PIWIL2: variants seen among roughly 807,000 people sequenced by gnomAD.
PIWIL2 encodes the protein piwi like RNA-mediated gene silencing 2, also known as piwi-like protein 2.
In PIWIL2, 81 loss-of-function variants were observed where a neutral mutation model predicts 116.5. The observed-to-expected ratio is 0.70, with a 90% confidence interval of 0.58 to 0.84. PIWIL2 has a LOEUF of 0.84. Among genes scored for constraint, PIWIL2 ranks in the 40% least tolerant of loss-of-function variants. The pLI, the probability that PIWIL2 is intolerant of heterozygous loss-of-function variation, is 0.00. For missense variants in PIWIL2, 1,272 were observed against 1,212.3 expected (o/e 1.05, Z -0.73); for synonymous variants, 489 against 429.5 (o/e 1.14, Z -1.71).
At chr8:22,284,300 C>T (rs1343367467) in intron 6 of PIWIL2, 28 bp downstream of exon 6, 4 of 1,219,434 alleles carry the variant, frequency 3.3e-6, no homozygotes, top group Non-Finnish European at 1.2e-6. Flanking sequence ...TTGTATTGTT[C>T]ACTTCTTAAA....
At chr8:22,342,798 A>G (rs1832140806) in intron 20 of PIWIL2, among the ~76,000 whole-genome samples, 1 of 152,216 alleles carries the variant, frequency 6.6e-6, no homozygotes. Context: ...CTTCTGGGAA[A>G]CACTGATAAG....
chr8:22,324,106 AC>A (rs1195946090), intron 20 of PIWIL2, among the ~76,000 whole-genome samples: 1 of 152,152 alleles, frequency 6.6e-6, no homozygotes, highest in Non-Finnish European at 1.5e-5. Context: ...TACTAAAAAT[AC>A]AAAAATTAGC....
Position 22,283,014 on chromosome 8 carries a change from C to T in PIWIL2, c.426-20C>T, listed in dbSNP as rs143962067. 1.9e-4 allele frequency: 301 copies of T among 1,593,758 alleles called. 1 individual carries two copies. The African/African-American group carries it at 3.4e-3, about 18-fold the overall frequency. On this transcript the variant is annotated intron_variant, in intron 4 of 22. Transcript: ENST00000356766. ...AGCTATTATAAAAAACCCTGATTTG[C>T]CTCTCTCTCCACATTTCAGGACGCT...
At chr8:22,338,487 T>A (rs538865313) in intron 20 of PIWIL2, among the ~76,000 whole-genome samples, 38 of 152,152 alleles carry the variant, frequency 2.5e-4, no homozygotes, top group Admixed American at 2.1e-3. Context: ...GGTCAAGAGT[T>A]TGAGACCAGC....
chr8:22,299,306 G>A (rs1425083154), intron 10 of PIWIL2, among the ~76,000 whole-genome samples: 1 of 151,722 alleles, frequency 6.6e-6, no homozygotes, highest in Non-Finnish European at 1.5e-5. Context: ...CGCCTCCTGG[G>A]TTCAAGCGAT....
rs1483369943 is a variant in PIWIL2, at chr8:22,354,812, A to G, written c.2765+434A>G. On this transcript the variant is annotated intron_variant, in intron 22 of 22. Transcript: ENST00000356766. Reference sequence around the variant, plus strand: ...AGGCTGGGTGCGGTGGCTCACGCCTATAATCCCAGCACTTTGGGAGGCTGA... The same window carrying G: ...AGGCTGGGTGCGGTGGCTCACGCCTGTAATCCCAGCACTTTGGGAGGCTGA... Among the ~76,000 whole-genome samples, 11 of 152,182 alleles carry G rather than the reference A, an allele frequency of 7.2e-5. 1 individual carries two copies. Among genetic ancestry groups the G allele is most frequent in the Admixed American group, 3.9e-4 (6 of 15,272 alleles).
chr8:22,290,975 T>TATATATATATATATATATATA (rs947701007), intron 10 of PIWIL2, among the ~76,000 whole-genome samples: 18 of 149,480 alleles, frequency 1.2e-4, no homozygotes, highest in Admixed American at 2.0e-4. Context: ...TGTATATATA[T>TATATATATATATATATATATA]TTTTTTTAAT....
At chr8:22,310,635 T>C (rs1475730084) in intron 15 of PIWIL2, among the ~76,000 whole-genome samples, 2 of 151,426 alleles carry the variant, frequency 1.3e-5, no homozygotes, top group African/African-American at 2.4e-5. Context: ...TTTAATTAAA[T>C]AGACCTGTGT....
chr8:22,310,611 T>C (rs754373299), intron 15 of PIWIL2, among the ~76,000 whole-genome samples: 3 of 150,758 alleles, frequency 2.0e-5, no homozygotes, highest in African/African-American at 2.4e-5. Flanking sequence ...AACGTGTAAC[T>C]TGATGAGTTT....
At chr8:22,328,329 T>C (rs1362737718) in intron 20 of PIWIL2, among the ~76,000 whole-genome samples, 1 of 152,250 alleles carries the variant, frequency 6.6e-6, no homozygotes, top group Non-Finnish European at 1.5e-5. Flanking sequence ...TTTTGATTAT[T>C]GTTGCTTTGT....
At chr8:22,297,688 T>A (rs1307151904) in intron 10 of PIWIL2, among the ~76,000 whole-genome samples, 1 of 151,868 alleles carries the variant, frequency 6.6e-6, no homozygotes, top group Non-Finnish European at 1.5e-5. Context: ...CAAGGAAAAG[T>A]GGGAATTTAT....
intron 20 of PIWIL2, among the ~76,000 whole-genome samples, chr8:22,344,176 C>T (rs1192755915): frequency 6.6e-6 from 1 of 152,080 alleles, no homozygotes; most frequent in African/African-American, 2.4e-5. Context: ...CTAGAGAATG[C>T]ATAAATGTGG....
chr8:22,283,164 T>G lies in PIWIL2; in HGVS notation c.556T>G (p.Ser186Ala). 1 of 1,614,142 alleles carries G rather than the reference T, an allele frequency of 6.2e-7. No individual in the cohort carries two copies. Among genetic ancestry groups the G allele is most frequent in the Non-Finnish European group, 8.5e-7 (1 of 1,180,000 alleles). The change falls in exon 5 of 23, where the codon TCA becomes GCA. Residue 186 changes from serine to alanine, a missense_variant. By Grantham distance (99) the Ser-to-Ala change is moderately conservative (BLOSUM62 1). Transcript: ENST00000356766. ...TPSRGPPQLS[S>A]PPALPQSPLH... is the part of the protein sequence containing the mutation. ...GTCCCGGGGTCCCCCGCAGCTGTCA[T>G]CACCACCAGCTCTGCCCCAGTCTCC...
chr8:22,316,309 T>C lies in PIWIL2; in HGVS notation c.2273T>C (p.Val758Ala). The change falls in exon 19 of 23, where the codon GTT becomes GCT. Residue 758 changes from valine (V) to alanine (A), a missense_variant. Physicochemically the swap from Val to Ala is moderately conservative, Grantham distance 64. Transcript: ENST00000356766. ...HDPSRGMRSV[V>A]GFVASINLTL... ...CCCAGTAGAGGCATGCGCTCCGTGGTTGGCTTCGTGGCAAGCATCAATCTG... is the reference window on the plus strand; with the variant it reads ...CCCAGTAGAGGCATGCGCTCCGTGGCTGGCTTCGTGGCAAGCATCAATCTG... The C allele has an allele frequency of 6.2e-7, 1 of 1,612,216 alleles. No individual in the cohort carries two copies. Among genetic ancestry groups the C allele is most frequent in the Non-Finnish European group, 8.5e-7 (1 of 1,178,264 alleles).
At chr8:22,319,357 C>T (rs1039259094) in intron 20 of PIWIL2, among the ~76,000 whole-genome samples, 2 of 152,170 alleles carry the variant, frequency 1.3e-5, no homozygotes, top group Non-Finnish European at 2.9e-5. Context: ...ACTGAGTCAC[C>T]AAGTTCTACC....
At chr8:22,309,634 C>T (rs150759978) in intron 14 of PIWIL2, among the ~76,000 whole-genome samples, 9,264 of 152,332 alleles carry the variant, frequency 0.061, 354 homozygotes, top group Admixed American at 0.091. Flanking sequence ...CCACGGTGCC[C>T]GGCCCCTTTA....
intron 20 of PIWIL2, among the ~76,000 whole-genome samples, chr8:22,332,082 T>C (rs1292838107): frequency 1.3e-5 from 2 of 151,924 alleles, no homozygotes; most frequent in Non-Finnish European, 2.9e-5. Flanking sequence ...CTGAGGCAGG[T>C]GGATCACTTA....
At chr8:22,308,610 GCCACTGC>G (rs1831246924) in intron 14 of PIWIL2, among the ~76,000 whole-genome samples, 2 of 152,034 alleles carry the variant, frequency 1.3e-5, no homozygotes, top group African/African-American at 4.8e-5. Context: ...CCAAGATGGG[GCCACTGC>G]ACTCTAGCCT....
chr8:22,313,606 C>T (rs1055001261), intron 16 of PIWIL2, among the ~76,000 whole-genome samples: 1 of 152,170 alleles, frequency 6.6e-6, no homozygotes, highest in Non-Finnish European at 1.5e-5. Flanking sequence ...AACATTACAC[C>T]AATCTTGATT....
Sources: gnomAD v4.1 joint callset for allele counts (sites outside exome capture counted in the v4.1 genomes callset) on GRCh38, gnomAD v4.1.1 for gene constraint, MANE v1.5 for transcripts, NCBI Gene and HGNC (gene_info 2026-07-23, HGNC 2026-07-21) for gene names.